The following PGBD2 variants were observed in gnomAD, a reference collection of about 807,000 sequenced individuals.
PGBD2 encodes the protein piggyBac transposable element derived 2.
A neutral mutation model predicts 8.1 loss-of-function variants in PGBD2; 6 were observed. The ratio of observed to expected loss-of-function variants is 0.74; its 90% CI spans 0.40 to 1.46. The LOEUF (loss-of-function observed/expected upper bound fraction) is 1.46, where lower values mean the gene tolerates loss of function less well. Ranked by LOEUF, PGBD2 falls within the 40% of genes most tolerant of loss-of-function variation. PGBD2 has a pLI of 0.02. For synonymous variants in PGBD2, 318 were observed against 272.2 expected (o/e 1.17, Z -1.66); for missense variants, 802 against 739.0 (o/e 1.09, Z -0.99).
At chr1:248,911,670 G>T (rs1293907869) in intron 1 of PGBD2, among the ~76,000 whole-genome samples, 14 of 148,832 alleles carry the variant, frequency 9.4e-5, no homozygotes, top group Non-Finnish European at 1.8e-4. Context: ...GGGCAGAGGG[G>T]CTCCTCACTT....
chr1:248,929,988 G>T, the PGBD2 span, among the ~76,000 whole-genome samples: 7 of 152,184 alleles, frequency 4.6e-5, no homozygotes, highest in Admixed American at 6.5e-5. Flanking sequence ...TTGTCCTTAA[G>T]ACTGACCTGG....
the PGBD2 span, among the ~76,000 whole-genome samples, chr1:248,884,335 G>A: frequency 1.2e-4 from 17 of 140,706 alleles, no homozygotes; most frequent in Non-Finnish European, 1.9e-4. Context: ...ACAGTTTTTC[G>A]TTTTTGTTTG....
rs530179405 is a variant in PGBD2 at position 248,908,328 on chromosome 1, T to C, written c.-48+1986T>C. Among the ~76,000 whole-genome samples the C allele has an allele frequency of 1.1e-3, 174 of 152,274 alleles. 1 individual carries two copies. Among genetic ancestry groups the C allele is most frequent in the African/African-American group, 4.1e-3 (169 of 41,564 alleles). ...GTGCCTGGGCCAGTTCAGTTGAGAATGCCCAGTTGGACCTCTGGGCAGCTC... is the reference window on the plus strand; with the variant it reads ...GTGCCTGGGCCAGTTCAGTTGAGAACGCCCAGTTGGACCTCTGGGCAGCTC... On this transcript the variant is annotated intron_variant, in intron 1 of 2. Coordinates refer to ENST00000329291, the MANE Select transcript of PGBD2 (RefSeq NM_170725.3).
chr1:248,896,149 G>C, the PGBD2 span, among the ~76,000 whole-genome samples: 6 of 152,066 alleles, frequency 3.9e-5, no homozygotes, highest in African/African-American at 7.2e-5. Context: ...ACTTCACTTA[G>C]AATAATGGTC....
chr1:248,886,032 G>GA, the PGBD2 span, among the ~76,000 whole-genome samples: 648 of 148,316 alleles, frequency 4.4e-3, 7 homozygotes, highest in African/African-American at 0.014. Context: ...AATCATGAAT[G>GA]AAAAAAAAAA....
rs780154995 is a variant in PGBD2 at position 248,913,891 on chromosome 1, G to A, written c.17+12G>A. 1 of 1,605,346 alleles carries A rather than the reference G, an allele frequency of 6.2e-7. No homozygotes were observed. The highest frequency in any genetic ancestry group is 1.1e-5 in the South Asian group (1 of 90,874). On this transcript the variant is annotated intron_variant, in intron 2 of 2. Coordinates refer to ENST00000329291, the MANE Select transcript of PGBD2 (RefSeq NM_170725.3). Reference sequence around the variant, plus strand: ...GCTTCAACATCCAGGTAGGAGTGCTGTTTGATCAAATGTTTTATTGAAGAA... The same window carrying A: ...GCTTCAACATCCAGGTAGGAGTGCTATTTGATCAAATGTTTTATTGAAGAA...
the PGBD2 span, among the ~76,000 whole-genome samples, chr1:248,885,752 T>C: frequency 1.9e-4 from 29 of 152,368 alleles, no homozygotes; most frequent in East Asian, 4.8e-3. Context: ...ACCAGTTCCC[T>C]GGCCATTTCC....
chr1:248,907,384 A>G (rs772625934), intron 1 of PGBD2, among the ~76,000 whole-genome samples: 23 of 152,300 alleles, frequency 1.5e-4, no homozygotes, highest in Admixed American at 6.5e-4. Context: ...TTGTACGGAG[A>G]CATTCAGTTC....
At chr1:248,873,937 T>C in the PGBD2 span, among the ~76,000 whole-genome samples, 3 of 152,164 alleles carry the variant, frequency 2.0e-5, no homozygotes, top group African/African-American at 7.2e-5. Context: ...GATGGAGGCG[T>C]GGGTTCGAAT....
the PGBD2 span, among the ~76,000 whole-genome samples, chr1:248,891,256 C>T: frequency 1.6e-4 from 25 of 152,264 alleles, no homozygotes; most frequent in African/African-American, 5.3e-4. Context: ...CTGCCTGTAG[C>T]CAACTAGACT....
upstream of PGBD2, among the ~76,000 whole-genome samples, chr1:248,905,678 C>T (rs373076132): frequency 1.3e-5 from 2 of 152,276 alleles, no homozygotes; most frequent in Non-Finnish European, 1.5e-5. Flanking sequence ...TGTATTTTAT[C>T]CGTGACCCTG....
chr1:248,910,813 C>G (rs34891769), intron 1 of PGBD2, among the ~76,000 whole-genome samples: 5,961 of 152,112 alleles, frequency 0.039, 150 homozygotes, highest in African/African-American at 0.062. Context: ...GCTTTTCTCA[C>G]AAGCCATAGA....
chr1:248,917,152 G>A lies in PGBD2; in HGVS notation c.568G>A (p.Gly190Arg), dbSNP rs1482730260. The part of the protein sequence containing the change: ...KCVLGILILS[G>R]YISYPRRRMF... ...TGTTTTGGGCATTTTGATTTTAAGT[G>A]GGTACATCTCTTATCCAAGGAGAAG... is the stretch of plus-strand genomic sequence containing the variant. The change falls in exon 3 of 3, where the codon GGG becomes AGG. Residue 190 changes from glycine to arginine, a missense_variant. Physicochemically the swap from Gly to Arg is moderately radical, Grantham distance 125 (BLOSUM62 -2). Transcript: ENST00000329291. 2 of 1,613,916 alleles carry A rather than the reference G, an allele frequency of 1.2e-6. No homozygotes were observed. The highest frequency in any genetic ancestry group is 2.2e-5 in the East Asian group (1 of 44,896).
the PGBD2 span, among the ~76,000 whole-genome samples, chr1:248,873,887 C>T: frequency 5.3e-5 from 8 of 152,228 alleles, no homozygotes; most frequent in Non-Finnish European, 1.0e-4. Context: ...AGGCGCCAGA[C>T]TCAAGGTAAG....
the PGBD2 span, among the ~76,000 whole-genome samples, chr1:248,880,374 TAGGGCTTC>T: frequency 6.6e-6 from 1 of 152,360 alleles, no homozygotes; most frequent in Non-Finnish European, 1.5e-5. Context: ...GCTTAGTGGT[TAGGGCTTC>T]ATGTGTAAGC....
chr1:248,892,696 A>T, the PGBD2 span, among the ~76,000 whole-genome samples: 2 of 152,182 alleles, frequency 1.3e-5, no homozygotes, highest in African/African-American at 4.8e-5. Context: ...AGCCCTTGGA[A>T]TATCCTGCCT....
intron 1 of PGBD2, among the ~76,000 whole-genome samples, chr1:248,913,279 A>G (rs1572276579): frequency 6.6e-6 from 1 of 152,044 alleles, no homozygotes; most frequent in African/African-American, 2.4e-5. Context: ...TTCCCTGCAC[A>G]TAGTATCTGC....
chr1:248,886,715 C>A, the PGBD2 span, among the ~76,000 whole-genome samples: 37 of 152,188 alleles, frequency 2.4e-4, 1 homozygote, highest in Non-Finnish European at 5.9e-5. Flanking sequence ...CTGTGTGGCC[C>A]CAGCCTGGTC....
chr1:248,926,745 T>C, the PGBD2 span, among the ~76,000 whole-genome samples: 1 of 152,170 alleles, frequency 6.6e-6, no homozygotes, highest in African/African-American at 2.4e-5. Context: ...TAGATTCATG[T>C]GGGAATACTG....
Sources: gnomAD v4.1 joint callset for allele counts (sites outside exome capture counted in the v4.1 genomes callset) on GRCh38, gnomAD v4.1.1 for gene constraint, MANE v1.5 for transcripts, NCBI Gene and HGNC (gene_info 2026-07-23, HGNC 2026-07-21) for gene names.